Variants in SPNS3 observed in about 807,000 individuals in gnomAD.
SPNS3 encodes the protein SPNS lysolipid transporter 3, sphingosine-1-phosphate (putative), also known as protein spinster homolog 3.
Under a neutral mutation model 54.4 loss-of-function variants are expected in SPNS3, and 51 were observed. That is an observed-to-expected ratio of 0.94 (90% CI 0.75 to 1.18). The LOEUF is 1.18. SPNS3 is among the 50% of genes most tolerant of loss of function. The pLI is 0.00. For synonymous variants in SPNS3, 309 were observed against 294.7 expected, an observed-to-expected ratio of 1.05 and a Z score of -0.50; for missense variants, 669 against 677.4, an observed-to-expected ratio of 0.99 and a Z score of 0.14.
chr17:4,478,535 T>C, intron 8 of SPNS3, 37 bp from the exon 9 acceptor site: 2 of 1,550,570 alleles, frequency 1.3e-6, no homozygotes, highest in Non-Finnish European at 1.7e-6. Context: ...GTGACTGGGA[T>C]CTGGGAATCC....
chr17:4,466,813 C>G (rs1030451794), intron 8 of SPNS3, among the ~76,000 whole-genome samples: 3 of 152,182 alleles, frequency 2.0e-5, no homozygotes, highest in African/African-American at 7.2e-5. Flanking sequence ...CCATTGCACT[C>G]CAGCCTGGTG....
At position 4,438,194 on chromosome 17, in the gene SPNS3, G is replaced by A. The variant is rs564355104; in HGVS notation, c.200-1464G>A. 7.9e-5 allele frequency among the ~76,000 whole-genome samples: 12 copies of A among 152,288 alleles called. No homozygotes were observed. The East Asian group carries it at 1.7e-3, about 22-fold the overall frequency. Reference sequence around the variant, plus strand: ...GCTTTCTTGGTGTGGGTGTTTCTGCGGGGACCCACTTGGGGGCTTCTGCTC... The same window carrying A: ...GCTTTCTTGGTGTGGGTGTTTCTGCAGGGACCCACTTGGGGGCTTCTGCTC... On this transcript the variant is annotated intron_variant, in intron 1 of 11. Transcript: ENST00000355530.
intron 8 of SPNS3, among the ~76,000 whole-genome samples, chr17:4,453,926 C>T (rs994356168): frequency 6.6e-5 from 10 of 152,208 alleles, no homozygotes; most frequent in Admixed American, 2.0e-4. Context: ...TCCCATCACA[C>T]CCCTTCATGG....
chr17:4,441,473 G>T (rs1970845629), intron 2 of SPNS3, among the ~76,000 whole-genome samples: 1 of 152,224 alleles, frequency 6.6e-6, no homozygotes, highest in Non-Finnish European at 1.5e-5. Context: ...AGAGACAGCA[G>T]CTGATGCTGA....
chr17:4,450,473 G>A (rs551071155), intron 7 of SPNS3, among the ~76,000 whole-genome samples: 80 of 150,948 alleles, frequency 5.3e-4, no homozygotes, highest in African/African-American at 1.9e-3. Context: ...GAGTGCAGTG[G>A]TACAAACACA....
intron 8 of SPNS3, among the ~76,000 whole-genome samples, chr17:4,469,841 C>T (rs769120912): frequency 3.3e-5 from 5 of 151,850 alleles, no homozygotes; most frequent in Non-Finnish European, 7.4e-5. Context: ...TTCACTGTAT[C>T]GTGTTGTATC....
intron 6 of SPNS3, among the ~76,000 whole-genome samples, chr17:4,448,586 C>T (rs1247171898): frequency 6.6e-6 from 1 of 152,254 alleles, no homozygotes; most frequent in Admixed American, 6.5e-5. Flanking sequence ...CTCCAGCACT[C>T]AGAGCCTCAA....
intron 8 of SPNS3, among the ~76,000 whole-genome samples, chr17:4,466,905 A>T (rs1411637731): frequency 2.6e-5 from 4 of 152,202 alleles, no homozygotes; most frequent in Non-Finnish European, 5.9e-5. Context: ...GGAGAGCAAC[A>T]GCAGGGAAAG....
At chr17:4,466,091 T>A (rs1292592186) in intron 8 of SPNS3, among the ~76,000 whole-genome samples, 3 of 152,228 alleles carry the variant, frequency 2.0e-5, no homozygotes, top group African/African-American at 4.8e-5. Flanking sequence ...GCCAGGTGGC[T>A]GAGATGCAGG....
intron 8 of SPNS3, among the ~76,000 whole-genome samples, chr17:4,474,123 C>A (rs1971927909): frequency 6.6e-6 from 1 of 152,242 alleles, no homozygotes; most frequent in South Asian, 2.1e-4. Flanking sequence ...CACGGCCCAC[C>A]AGAAGAGCTC....
At chr17:4,475,985 A>G (rs547896502) in intron 8 of SPNS3, among the ~76,000 whole-genome samples, 1 of 152,198 alleles carries the variant, frequency 6.6e-6, no homozygotes, top group East Asian at 1.9e-4. Flanking sequence ...CATCTGGGGC[A>G]CCCTGGCGTC....
At chr17:4,469,148 G>A (rs371865530) in intron 8 of SPNS3, among the ~76,000 whole-genome samples, 6 of 151,764 alleles carry the variant, frequency 4.0e-5, no homozygotes, top group Non-Finnish European at 4.4e-5. Context: ...GCACTGGTGC[G>A]ATCTCAGCTC....
intron 9 of SPNS3, among the ~76,000 whole-genome samples, chr17:4,479,497 C>G (rs911480542): frequency 4.6e-5 from 7 of 152,258 alleles, no homozygotes; most frequent in African/African-American, 1.7e-4. Flanking sequence ...TGCTCTTCGT[C>G]CAGCCTCCTT....
At chr17:4,462,810 TATCCATCCATCC>T (rs147800983) in intron 8 of SPNS3, among the ~76,000 whole-genome samples, 1 of 40,128 alleles carries the variant, frequency 2.5e-5, no homozygotes, top group East Asian at 6.9e-4. Context: ...TCCACCAATC[TATCCATCCATCC>T]ATCCATCCAT....
chr17:4,481,276 G>A (rs1043911261), intron 9 of SPNS3, among the ~76,000 whole-genome samples: 2 of 151,998 alleles, frequency 1.3e-5, no homozygotes, highest in African/African-American at 4.8e-5. Flanking sequence ...CAGCACTGGG[G>A]GAGGAAGTGG....
intron 11 of SPNS3, 47 bp from the exon 12 acceptor site, chr17:4,487,759 G>T (rs1330933728): frequency 1.3e-6 from 2 of 1,585,408 alleles, no homozygotes; most frequent in South Asian, 1.1e-5. Context: ...TGGTCCCAAA[G>T]CACCTTCTGC....
chr17:4,468,721 T>TTTTCTTTATTTCTTTC lies in SPNS3; in HGVS notation c.1114-9844_1114-9843insATTTCTTTCTTTCTTT, dbSNP rs1555531860. Among the ~76,000 whole-genome samples, 15 of 121,450 alleles carry TTTTCTTTATTTCTTTC rather than the reference T, an allele frequency of 1.2e-4. No individual in the cohort carries two copies. In the East Asian group the frequency reaches 1.9e-3, roughly 15 times the overall value. The allele number at this position is 121,450 out of a possible 152,430, so 79.7% of individuals were successfully genotyped here. ...TTTTCTTTATTTCTCTCTCTCTTTC[T>TTTTCTTTATTTCTTTC]TTTCTTTCTTTCTTTCTTTCTTTCT... On this transcript the variant is annotated intron_variant, in intron 8 of 11. Transcript: ENST00000355530.
chr17:4,447,958 C>T (rs1041227409), intron 5 of SPNS3, among the ~76,000 whole-genome samples, 197 bp from the exon 6 acceptor site: 5 of 152,166 alleles, frequency 3.3e-5, no homozygotes, highest in Non-Finnish European at 7.4e-5. Flanking sequence ...GGAAAGGCTG[C>T]AGTGGTGAGG....
intron 8 of SPNS3, among the ~76,000 whole-genome samples, chr17:4,477,171 G>C (rs1379246211): frequency 1.3e-5 from 2 of 152,238 alleles, no homozygotes; most frequent in East Asian, 3.9e-4. Context: ...GGCGTGGGGG[G>C]TGGGGGGCGC....
Sources: allele counts gnomAD v4.1 joint callset (sites outside exome capture counted in the v4.1 genomes callset), GRCh38; gene constraint gnomAD v4.1.1; transcripts MANE v1.5; gene names NCBI Gene and HGNC (gene_info 2026-07-23, HGNC 2026-07-21).